Variants in S1PR1 observed in about 807,000 individuals in gnomAD.
The protein encoded by S1PR1 is sphingosine-1-phosphate receptor 1.
A neutral mutation model predicts 18.3 loss-of-function variants in S1PR1; 2 were observed. The observed-to-expected ratio is 0.11, with a 90% CI of 0.04 to 0.34. The LOEUF (loss-of-function observed/expected upper bound fraction) is 0.34. Among genes scored for constraint, S1PR1 ranks in the 10% least tolerant of loss-of-function variants. The probability of loss-of-function intolerance (pLI) is 1.00; values close to 1 mark genes in which losing one functional copy is unlikely to be tolerated. For missense variants in S1PR1, 335 were observed against 493.8 expected, an observed-to-expected ratio of 0.68 and a Z score of 3.05; for synonymous variants, 222 against 211.2, an observed-to-expected ratio of 1.05 and a Z score of -0.44.
intron 1 of S1PR1, among the ~76,000 whole-genome samples, chr1:101,237,680 C>A (rs1652754611): frequency 6.6e-6 from 1 of 152,144 alleles, no homozygotes; most frequent in Admixed American, 6.5e-5. Flanking sequence ...ACTTTCTAGT[C>A]CTAGGAGAGG....
chr1:101,239,660 T>G lies in S1PR1; in HGVS notation c.676T>G (p.Ser226Ala). 1 of 1,614,112 alleles carries G rather than the reference T, an allele frequency of 6.2e-7. No homozygotes were observed. The highest frequency in any genetic ancestry group is 1.1e-5 in the South Asian group (1 of 91,082). ...CGTCATTCTGTACTGCAGAATCTACTCCTTGGTCAGGACTCGGAGCCGCCG... is the reference window on the plus strand; with the variant it reads ...CGTCATTCTGTACTGCAGAATCTACGCCTTGGTCAGGACTCGGAGCCGCCG... The part of the protein sequence containing the change: ...SIVILYCRIY[S>A]LVRTRSRRLT... Residue 226 changes from serine (S) to alanine (A), a missense_variant, in exon 2 of 2, where the codon TCC (serine) becomes GCC (alanine). Transcript: ENST00000305352. This position sits in a 1 kb window ranked among gnomAD's most constrained non-coding sequence, Gnocchi z 6.3.
intron 1 of S1PR1, 128 bp from the exon 2 acceptor site, chr1:101,238,694 C>A: frequency 2.6e-6 from 1 of 389,790 alleles, no homozygotes. Context: ...AATCTCTCTC[C>A]CTGAGCTCTC....
In S1PR1 at chr1:101,239,219, C is replaced by G. The variant is rs370003570; in HGVS notation, c.235C>G (p.Pro79Ala). ...TTGGAAAACCAAGAAATTCCACCGA[C>G]CCATGTACTATTTTATTGGCAATCT... The part of the protein sequence containing the change: ...TIWKTKKFHR[P>A]MYYFIGNLAL... The change falls in exon 2 of 2, where the codon CCC (proline) becomes GCC (alanine). Residue 79 changes from proline (P) to alanine (A), a missense_variant. Pro to Ala is a conservative substitution (Grantham distance 27). Around this residue, in one of 3 missense-constraint regions of S1PR1, gnomAD observed 214 missense variants for 366.6 expected, o/e 0.58. Coordinates refer to ENST00000305352, the MANE Select transcript of S1PR1 (RefSeq NM_001400.5). The surrounding 1 kb of genome is among the most constrained non-coding windows in gnomAD (Gnocchi z 6.3). The G allele has an allele frequency of 6.2e-7, 1 of 1,614,090 alleles. No homozygotes were observed. Among genetic ancestry groups the G allele is most frequent in the Non-Finnish European group, 8.5e-7 (1 of 1,180,050 alleles).
rs1244329428 is a variant in S1PR1, at chr1:101,240,281, G to C, written c.*148G>C. The C allele has an allele frequency of 1.3e-6, 1 of 770,954 alleles. No homozygotes were observed. Among genetic ancestry groups the C allele is most frequent in the Non-Finnish European group, 2.1e-6 (1 of 472,282 alleles). The allele number at this position is 770,954 out of a possible 1,614,324, so 47.8% of individuals were successfully genotyped here. A position where few individuals can be genotyped will look rare whatever the true frequency, so the allele number is the denominator to read the frequency against. On this transcript the variant is annotated 3_prime_UTR_variant, in exon 2 of 2. Transcript: ENST00000305352. ...GAAGGGGGAGAATACGAACAGCCTG[G>C]TGGTGTCGGGTGTTGGTGGGTAGAG...
rs1652711142 is a variant in S1PR1, at chr1:101,237,102, AG to A, written c.-164+8del. ...CAACTTCGCCCTGCTTGAGCGAGGT[AG>A]GGGGCGGCGAATGGCGGGGGTCGCG... On this transcript the variant is annotated splice_donor_region_variant and intron_variant, in intron 1 of 1. Transcript: ENST00000305352. 1 of 152,220 alleles carries A rather than the reference AG, an allele frequency of 6.6e-6. No homozygotes were observed. The highest frequency in any genetic ancestry group is 2.4e-5 in the African/African-American group (1 of 41,422). 9.4% of individuals were successfully genotyped at this position (152,220 alleles called of 1,614,324 possible).
In S1PR1 at chr1:101,239,699, A is replaced by G. The variant is rs760502163; in HGVS notation, c.715A>G (p.Lys239Glu). Reference sequence around the variant, plus strand: ...TCGGAGCCGCCGCCTGACGTTCCGCAAGAACATTTCCAAGGCCAGCCGCAG... The same window carrying G: ...TCGGAGCCGCCGCCTGACGTTCCGCGAGAACATTTCCAAGGCCAGCCGCAG... Reference protein sequence around the residue: ...RTRSRRLTFRKNISKASRSSE... With the variant: ...RTRSRRLTFRENISKASRSSE... Residue 239 changes from lysine to glutamate, a missense_variant, in exon 2 of 2, where the codon AAG becomes GAG. This residue lies in a region of S1PR1 where 214 missense variants were observed against 366.6 expected (regional missense o/e 0.58). Coordinates refer to ENST00000305352, the MANE Select transcript of S1PR1 (RefSeq NM_001400.5). The surrounding 1 kb of genome is among the most constrained non-coding windows in gnomAD (Gnocchi z 6.3). The G allele has an allele frequency of 6.2e-7, 1 of 1,614,018 alleles. No homozygotes were observed. Among genetic ancestry groups the G allele is most frequent in the Non-Finnish European group, 8.5e-7 (1 of 1,180,028 alleles).
rs749894630 is a variant in S1PR1, at chr1:101,240,186, C to T, written c.*53C>T. On this transcript the variant is annotated 3_prime_UTR_variant, in exon 2 of 2. Transcript: ENST00000305352. The stretch of plus-strand genomic sequence containing the variant: ...CGCTCTTTACTTGGTCGCTGGCCAC[C>T]CCAGTGTTTGGAAAAAAATCTCTGG... 2.5e-6 allele frequency: 4 copies of T among 1,586,994 alleles called. No homozygotes were observed. The highest frequency in any genetic ancestry group is 3.4e-6 in the Non-Finnish European group (4 of 1,164,518).
At chr1:101,242,069 T>G (rs921410691), downstream of S1PR1, among the ~76,000 whole-genome samples, 2 of 149,484 alleles carry the variant, frequency 1.3e-5, no homozygotes, top group Non-Finnish European at 3.0e-5. Context: ...CTGAACCACA[T>G]AGAAGTATAC....
chr1:101,241,870 CA>C (rs1652922874), downstream of S1PR1, among the ~76,000 whole-genome samples: 1 of 151,908 alleles, frequency 6.6e-6, no homozygotes, highest in Non-Finnish European at 1.5e-5. Flanking sequence ...AAATTATACA[CA>C]AAAATGTGGT....
chr1:101,240,937 C>G lies in S1PR1; in HGVS notation c.*804C>G, dbSNP rs1484128272. 3 of 167,174 alleles carry G rather than the reference C, an allele frequency of 1.8e-5. No individual in the cohort carries two copies. Among genetic ancestry groups the G allele is most frequent in the African/African-American group, 7.2e-5 (3 of 41,424 alleles). 10.4% of individuals were successfully genotyped at this position (167,174 alleles called of 1,614,324 possible). ...TATCTAAATGATATTAGCCAGGATC[C>G]TTGGTGTCCTAGGAGAAACAGACAA... On this transcript the variant is annotated 3_prime_UTR_variant, in exon 2 of 2. Coordinates refer to ENST00000305352, the MANE Select transcript of S1PR1 (RefSeq NM_001400.5).
rs201546871 is a variant in S1PR1 at position 101,238,954 on chromosome 1, C to T, written c.-31C>T. ...TAGCGTTCGTCTGGAGTAGCGCCAC[C>T]CCGGCTTCCTGGGGACACAGGGTTG... is the stretch of plus-strand genomic sequence containing the variant. On this transcript the variant is annotated 5_prime_UTR_variant, in exon 2 of 2. Transcript: ENST00000305352. 66 of 1,584,014 alleles carry T rather than the reference C, an allele frequency of 4.2e-5. No homozygotes were observed. Among genetic ancestry groups the T allele is most frequent in the Non-Finnish European group, 5.1e-5 (60 of 1,165,676 alleles).
intron 1 of S1PR1, among the ~76,000 whole-genome samples, chr1:101,237,914 C>G (rs1220035649): frequency 6.8e-6 from 1 of 147,484 alleles, no homozygotes; most frequent in African/African-American, 2.5e-5. Flanking sequence ...AACTAATGTA[C>G]GAAACTTCTG....
In S1PR1 at chr1:101,239,203, C is replaced by T. The variant is rs759199162; in HGVS notation, c.219C>T (p.Thr73=). ...TTGTCTTGCTGACCATTTGGAAAAC[C>T]AAGAAATTCCACCGACCCATGTACT... The part of the protein sequence containing the change: ...NIFVLLTIWK[T]KKFHRPMYYF... Residue 73 remains threonine, a synonymous_variant, in exon 2 of 2, where the codon ACC becomes ACT. Coordinates refer to ENST00000305352, the MANE Select transcript of S1PR1 (RefSeq NM_001400.5). This position sits in a 1 kb window ranked among gnomAD's most constrained non-coding sequence, Gnocchi z 6.3. 1 of 1,614,206 alleles carries T rather than the reference C, an allele frequency of 6.2e-7. No individual in the cohort carries two copies. The highest frequency in any genetic ancestry group is 1.7e-5 in the Admixed American group (1 of 60,030).
chr1:101,237,543 G>A (rs1474304862), intron 1 of S1PR1, among the ~76,000 whole-genome samples: 2 of 152,218 alleles, frequency 1.3e-5, no homozygotes, highest in African/African-American at 4.8e-5. Flanking sequence ...TGCTGTTCGC[G>A]GAGTTGCTGG....
intron 1 of S1PR1, among the ~76,000 whole-genome samples, chr1:101,237,627 T>C (rs1652753557): frequency 6.6e-6 from 1 of 152,214 alleles, no homozygotes; most frequent in African/African-American, 2.4e-5. Flanking sequence ...AACTTAGAAG[T>C]AGACTTCTGC....
rs764533957 is a variant in S1PR1 at position 101,238,857 on chromosome 1, A to T, written c.-128A>T. The T allele has an allele frequency of 1.1e-6, 1 of 889,190 alleles. No homozygotes were observed. The highest frequency in any genetic ancestry group is 1.7e-6 in the Non-Finnish European group (1 of 598,820). The allele number at this position is 889,190 out of a possible 1,614,324, so 55.1% of individuals were successfully genotyped here. On this transcript the variant is annotated 5_prime_UTR_variant, in exon 2 of 2. It adds an upstream start codon to the 5' untranslated region. Transcript: ENST00000305352. ...CCGAGGCCCTCTCCAGCCAAGGAAA[A>T]GCTACACAAAAAGCCTGGATCACTC...
Position 101,238,869 on chromosome 1 carries a change from AG to A in S1PR1, c.-115del, listed in dbSNP as rs1652794528. 1.0e-6 allele frequency: 1 copy of A among 980,316 alleles called. No individual in the cohort carries two copies. Among genetic ancestry groups the A allele is most frequent in the African/African-American group, 1.6e-5 (1 of 61,378 alleles). The allele number at this position is 980,316 out of a possible 1,614,324, so 60.7% of individuals were successfully genotyped here. A position where few individuals can be genotyped will look rare whatever the true frequency, so the allele number is the denominator to read the frequency against. On this transcript the variant is annotated 5_prime_UTR_variant, in exon 2 of 2. Transcript: ENST00000305352. ...CCAGCCAAGGAAAAGCTACACAAAA[AG>A]CCTGGATCACTCATCGAACCACCCC...
downstream of S1PR1, among the ~76,000 whole-genome samples, chr1:101,241,761 C>T (rs1652919802): frequency 1.3e-5 from 2 of 152,126 alleles, no homozygotes; most frequent in South Asian, 2.1e-4. Context: ...CTTCTGAATA[C>T]CACATTGGCT....
In S1PR1 at chr1:101,239,538, T is replaced by A; in HGVS notation, c.554T>A (p.Ile185Asn). Residue 185 changes from isoleucine (I) to asparagine (N), a missense_variant, in exon 2 of 2, where the codon ATC (isoleucine) becomes AAC (asparagine). Ile to Asn is a moderately radical substitution (Grantham distance 149). Transcript: ENST00000305352. The surrounding 1 kb of genome is among the most constrained non-coding windows in gnomAD (Gnocchi z 6.3). ...CTGCCTATCATGGGCTGGAACTGCA[T>A]CAGTGCGCTGTCCAGCTGCTCCACC... ...GGLPIMGWNC[I>N]SALSSCSTVL... is the part of the protein sequence containing the mutation. 6.2e-7 allele frequency: 1 copy of A among 1,614,010 alleles called. No individual in the cohort carries two copies. The highest frequency in any genetic ancestry group is 8.5e-7 in the Non-Finnish European group (1 of 1,180,026).
Sources: gnomAD v4.1 joint callset for allele counts (sites outside exome capture counted in the v4.1 genomes callset) on GRCh38, gnomAD v4.1.1 for gene constraint, gnomAD v4.1.1 regional missense constraint, Gnocchi (gnomAD v3.1) non-coding constraint, MANE v1.5 for transcripts, NCBI Gene and HGNC (gene_info 2026-07-23, HGNC 2026-07-21) for gene names.